ZMAT4: variants seen among roughly 807,000 people sequenced by gnomAD.
ZMAT4 encodes the protein zinc finger matrin-type protein 4.
Under a neutral mutation model 28.7 loss-of-function variants are expected in ZMAT4, and 17 were observed. The observed-to-expected ratio is 0.59, with a 90% CI of 0.41 to 0.89. The LOEUF (loss-of-function observed/expected upper bound fraction) is 0.89. Among genes scored for constraint, ZMAT4 ranks in the 40% least tolerant of loss-of-function variants. The probability of loss-of-function intolerance (pLI) is 0.00; values close to 1 mark genes in which losing one functional copy is unlikely to be tolerated. For missense variants in ZMAT4, 240 were observed against 283.8 expected (o/e 0.85, Z 1.11); for synonymous variants, 117 against 109.2 (o/e 1.07, Z -0.44).
chr8:40,577,142 C>T (rs1457664965), intron 6 of ZMAT4, among the ~76,000 whole-genome samples: 3 of 151,770 alleles, frequency 2.0e-5, no homozygotes, highest in South Asian at 2.1e-4. Context: ...TGCAGTGAGC[C>T]GAGACTGTGC....
At chr8:40,817,046 A>T (rs10108661) in intron 2 of ZMAT4, among the ~76,000 whole-genome samples, 110,189 of 151,994 alleles carry the variant, frequency 0.72, 40,232 homozygotes, top group East Asian at 0.84. Context: ...TTGCTTTTTT[A>T]AGATAATCTT....
chr8:40,674,971 T>C, intron 4 of ZMAT4, 40 bp from the exon 5 acceptor site: 1 of 1,516,942 alleles, frequency 6.6e-7, no homozygotes, highest in Non-Finnish European at 9.1e-7. Context: ...GCCACGTTAG[T>C]CCAACACTGA....
chr8:40,851,329 A>G (rs974382254), intron 1 of ZMAT4, among the ~76,000 whole-genome samples: 11 of 152,186 alleles, frequency 7.2e-5, no homozygotes, highest in Admixed American at 4.6e-4. Context: ...ATTACATCTC[A>G]ATAAAAGGAA....
intron 1 of ZMAT4, among the ~76,000 whole-genome samples, chr8:40,883,195 C>A (rs572861330): frequency 6.6e-6 from 1 of 152,318 alleles, no homozygotes; most frequent in South Asian, 2.1e-4. Context: ...CACCCTCAGT[C>A]CTGGGCAGAG....
intron 3 of ZMAT4, among the ~76,000 whole-genome samples, chr8:40,726,004 T>C (rs1811303125): frequency 1.3e-5 from 2 of 152,260 alleles, no homozygotes; most frequent in South Asian, 4.1e-4. Flanking sequence ...TCTCAACAGA[T>C]ACTCATCACT....
intron 1 of ZMAT4, among the ~76,000 whole-genome samples, chr8:40,849,129 G>A (rs978162800): frequency 6.6e-6 from 1 of 152,244 alleles, no homozygotes; most frequent in Non-Finnish European, 1.5e-5. Flanking sequence ...GCTGCCTAGA[G>A]ACAGCCAGGA....
intron 5 of ZMAT4, among the ~76,000 whole-genome samples, chr8:40,656,153 AT>A (rs1309485229): frequency 6.6e-6 from 1 of 152,116 alleles, no homozygotes; most frequent in African/African-American, 2.4e-5. Context: ...ATGAATAGGT[AT>A]TTCTCCCAGA....
chr8:40,602,827 T>C (rs1006444326), intron 5 of ZMAT4, among the ~76,000 whole-genome samples: 3 of 152,226 alleles, frequency 2.0e-5, no homozygotes, highest in African/African-American at 7.2e-5. Context: ...GTCAGATGCA[T>C]AGTGTGCGAA....
At chr8:40,704,218 A>T (rs567367437) in intron 3 of ZMAT4, among the ~76,000 whole-genome samples, 1 of 152,344 alleles carries the variant, frequency 6.6e-6, no homozygotes, top group East Asian at 1.9e-4. Context: ...ACTTTGGAGA[A>T]AAGCAGAATG....
intron 4 of ZMAT4, among the ~76,000 whole-genome samples, chr8:40,675,827 TAAC>T (rs201380833): frequency 0.011 from 1,613 of 152,302 alleles, 13 homozygotes; most frequent in Non-Finnish European, 0.016. Flanking sequence ...GATGCTGAAA[TAAC>T]AATGTTTTTT....
At chr8:40,820,995 G>A (rs568631739) in intron 2 of ZMAT4, among the ~76,000 whole-genome samples, 1 of 151,044 alleles carries the variant, frequency 6.6e-6, no homozygotes, top group Admixed American at 6.6e-5. Flanking sequence ...GTTTATGTGT[G>A]TGTATGTGTA....
intron 1 of ZMAT4, among the ~76,000 whole-genome samples, chr8:40,863,561 G>A (rs1817575479): frequency 6.6e-6 from 1 of 152,218 alleles, no homozygotes; most frequent in African/African-American, 2.4e-5. Flanking sequence ...AGCTGTAGAT[G>A]ATGGGTTCAG....
At chr8:40,846,039 C>T (rs1339916700) in intron 1 of ZMAT4, among the ~76,000 whole-genome samples, 1 of 152,080 alleles carries the variant, frequency 6.6e-6, no homozygotes, top group Non-Finnish European at 1.5e-5. Context: ...TCTACCACAG[C>T]CTTCCCAAGG....
chr8:40,817,415 G>A (rs1457651169), intron 2 of ZMAT4, among the ~76,000 whole-genome samples: 1 of 152,120 alleles, frequency 6.6e-6, no homozygotes, highest in Non-Finnish European at 1.5e-5. Flanking sequence ...AGGGGTCAGT[G>A]CCAGGGGTCA....
At position 40,810,169 on chromosome 8, in the gene ZMAT4, A is replaced by C. The variant is rs138095508; in HGVS notation, c.102+15406T>G. ...TGCATGTGTGTGTATGTATATATTC[A>C]TTGTCTTTAAATTAATTCTTAAACT... is the stretch of plus-strand genomic sequence containing the variant. On this transcript the variant is annotated intron_variant, in intron 2 of 6. Coordinates refer to ENST00000297737, the MANE Select transcript of ZMAT4 (RefSeq NM_024645.3). Among the ~76,000 whole-genome samples, 24 of 152,294 alleles carry C rather than the reference A, an allele frequency of 1.6e-4. 1 individual carries two copies. Among genetic ancestry groups the C allele is most frequent in the Admixed American group, 8.5e-4 (13 of 15,298 alleles).
intron 5 of ZMAT4, among the ~76,000 whole-genome samples, chr8:40,649,126 TG>T (rs1807500157): frequency 9.6e-6 from 1 of 104,450 alleles, no homozygotes; most frequent in South Asian, 3.4e-4. Context: ...AGACACAGAC[TG>T]GCAAATTGGA....
At chr8:40,549,027 A>C (rs1243797063) in intron 6 of ZMAT4, among the ~76,000 whole-genome samples, 1 of 152,126 alleles carries the variant, frequency 6.6e-6, no homozygotes, top group Non-Finnish European at 1.5e-5. Flanking sequence ...TAAGAGGTGG[A>C]GCCTTTGGGA....
chr8:40,849,288 A>T (rs184469382), intron 1 of ZMAT4, among the ~76,000 whole-genome samples: 31 of 152,354 alleles, frequency 2.0e-4, no homozygotes, highest in Admixed American at 8.5e-4. Flanking sequence ...CTAACCAAAC[A>T]AACACAGCCA....
At chr8:40,808,469 T>C in intron 2 of ZMAT4, 1 of 433,900 alleles carries the variant, frequency 2.3e-6, no homozygotes, top group Non-Finnish European at 4.6e-6. Flanking sequence ...AACATCTTTC[T>C]AACGGTTGAC....
Sources: gnomAD v4.1 joint callset for allele counts (sites outside exome capture counted in the v4.1 genomes callset) on GRCh38, gnomAD v4.1.1 for gene constraint, MANE v1.5 for transcripts, NCBI Gene and HGNC (gene_info 2026-07-23, HGNC 2026-07-21) for gene names.